Variants in FMN2 observed in about 807,000 individuals in gnomAD.
FMN2 encodes formin 2, also known as formin-2.
In FMN2, 51 loss-of-function variants were observed where a neutral mutation model predicts 142.3. That is an observed-to-expected ratio of 0.36 (90% CI 0.29 to 0.45). FMN2 has a LOEUF of 0.45. Among genes scored for constraint, FMN2 ranks in the 20% least tolerant of loss-of-function variants. The pLI, the probability that FMN2 is intolerant of heterozygous loss-of-function variation, is 1.00. For missense variants in FMN2, 1,936 were observed against 2,122.8 expected (o/e 0.91, Z 1.73); for synonymous variants, 882 against 869.8 (o/e 1.01, Z -0.25).
At chr1:240,183,786 A>C (rs959787561) in intron 3 of FMN2, among the ~76,000 whole-genome samples, 2 of 152,130 alleles carry the variant, frequency 1.3e-5, no homozygotes, top group African/African-American at 4.8e-5. Flanking sequence ...AGAATTAAAA[A>C]CATCTTGCAT....
At chr1:240,205,618 C>T (rs1314920192) in intron 4 of FMN2, among the ~76,000 whole-genome samples, 13 of 151,862 alleles carry the variant, frequency 8.6e-5, no homozygotes, top group Middle Eastern at 6.8e-3. Context: ...CCCGCCACCA[C>T]GCCCGGCTAA....
chr1:240,415,240 A>G (rs974803839), intron 15 of FMN2, among the ~76,000 whole-genome samples: 14 of 152,210 alleles, frequency 9.2e-5, no homozygotes, highest in Non-Finnish European at 1.9e-4. Flanking sequence ...TTGCAGGGAC[A>G]TGGATGAAGC....
Position 240,222,258 on chromosome 1 carries a change from A to G in FMN2, c.4065+11023A>G, listed in dbSNP as rs527869433. 3.3e-5 allele frequency among the ~76,000 whole-genome samples: 5 copies of G among 152,156 alleles called. No individual in the cohort carries two copies. In the East Asian group the frequency reaches 9.7e-4, roughly 29 times the overall value. Reference sequence around the variant, plus strand: ...TTATTAAATAGGGACTCCTTTCCCCATTGCTTGTTTTTGTCAGGTTTGTCA... The same window carrying G: ...TTATTAAATAGGGACTCCTTTCCCCGTTGCTTGTTTTTGTCAGGTTTGTCA... On this transcript the variant is annotated intron_variant, in intron 6 of 17. Transcript: ENST00000319653.
chr1:240,328,975 C>T (rs1048002862), intron 8 of FMN2, 101 bp from the exon 9 acceptor site: 106 of 945,702 alleles, frequency 1.1e-4, no homozygotes, highest in East Asian at 3.9e-4. Context: ...TATAGCGTTT[C>T]GCTGTATTCA....
At chr1:240,233,934 TG>T in intron 6 of FMN2, among the ~76,000 whole-genome samples, 1 of 152,302 alleles carries the variant, frequency 6.6e-6, no homozygotes, top group East Asian at 1.9e-4. Context: ...CTGGCAATGA[TG>T]GTCTATATTT....
chr1:240,375,164 G>T (rs965254531), intron 14 of FMN2, among the ~76,000 whole-genome samples: 1 of 151,994 alleles, frequency 6.6e-6, no homozygotes, highest in African/African-American at 2.4e-5. Context: ...CATAGTTTGT[G>T]GTGCCCCAGA....
intron 16 of FMN2, among the ~76,000 whole-genome samples, chr1:240,465,391 T>C (rs1036697761): frequency 6.7e-6 from 1 of 149,760 alleles, no homozygotes; most frequent in African/African-American, 2.5e-5. Context: ...TGTGTGTCTG[T>C]CTTTCTCTTT....
intron 3 of FMN2, chr1:240,179,562 T>C (rs1364941876): frequency 6.8e-6 from 1 of 147,250 alleles, no homozygotes; most frequent in African/African-American, 2.6e-5. Flanking sequence ...ATCGTAACAC[T>C]TACAGAGAGC....
At chr1:240,169,826 C>T (rs188966727) in intron 2 of FMN2, among the ~76,000 whole-genome samples, 9 of 152,146 alleles carry the variant, frequency 5.9e-5, no homozygotes, top group South Asian at 2.1e-4. Flanking sequence ...CTGCATACTT[C>T]GAGGCAATTT....
intron 13 of FMN2, among the ~76,000 whole-genome samples, chr1:240,335,218 G>T (rs1219112466): frequency 1.3e-5 from 2 of 152,144 alleles, no homozygotes; most frequent in African/African-American, 2.4e-5. Flanking sequence ...AGGTGCTGTG[G>T]ATCCACAAAG....
At chr1:240,162,459 G>A (rs1463904941) in intron 2 of FMN2, among the ~76,000 whole-genome samples, 2 of 151,996 alleles carry the variant, frequency 1.3e-5, no homozygotes, top group African/African-American at 4.8e-5. Flanking sequence ...GCAAGACTCC[G>A]TCTCAAAAAA....
intron 7 of FMN2, among the ~76,000 whole-genome samples, chr1:240,282,021 A>C (rs948603618): frequency 1.1e-4 from 17 of 152,322 alleles, no homozygotes; most frequent in African/African-American, 4.1e-4. Flanking sequence ...ATGAGAGCAA[A>C]TATATCTACA....
At chr1:240,423,225 T>C (rs1674833046) in intron 15 of FMN2, among the ~76,000 whole-genome samples, 1 of 152,180 alleles carries the variant, frequency 6.6e-6, no homozygotes, top group Admixed American at 6.5e-5. Context: ...GTAATAAAAT[T>C]TGTTACACTT....
chr1:240,163,796 A>T (rs1260396780), intron 2 of FMN2, among the ~76,000 whole-genome samples: 3 of 151,858 alleles, frequency 2.0e-5, no homozygotes, highest in Non-Finnish European at 2.9e-5. Flanking sequence ...TGGATTTATC[A>T]ATTACTCTTT....
At chr1:240,363,335 G>A (rs549783020) in intron 14 of FMN2, among the ~76,000 whole-genome samples, 20 of 152,140 alleles carry the variant, frequency 1.3e-4, no homozygotes, top group South Asian at 2.1e-4. Context: ...TAAGCAAACC[G>A]CTTTTTACCA....
intron 13 of FMN2, 63 bp from the exon 14 acceptor site, chr1:240,355,753 C>T: frequency 8.6e-7 from 1 of 1,157,334 alleles, no homozygotes; most frequent in Non-Finnish European, 1.3e-6. Flanking sequence ...AAGATGTTTT[C>T]AAAATTGCCT....
At chr1:240,341,623 T>TGATA (rs1671744326) in intron 13 of FMN2, 1 of 152,256 alleles carries the variant, frequency 6.6e-6, no homozygotes, top group South Asian at 2.1e-4. Flanking sequence ...TGAAGAATTG[T>TGATA]GATAGAGACC....
intron 2 of FMN2, chr1:240,144,948 G>A (rs532887182): frequency 7.4e-5 from 94 of 1,274,380 alleles, no homozygotes; most frequent in South Asian, 1.8e-4. Flanking sequence ...CCTACTAGCC[G>A]ATACTTGAGG....
At chr1:240,404,785 T>G (rs1449684260) in intron 15 of FMN2, among the ~76,000 whole-genome samples, 2 of 152,246 alleles carry the variant, frequency 1.3e-5, no homozygotes, top group African/African-American at 4.8e-5. Flanking sequence ...TTTGCAGATT[T>G]TCTGGCCTTG....
Sources: gnomAD v4.1 joint callset for allele counts (sites outside exome capture counted in the v4.1 genomes callset) on GRCh38, gnomAD v4.1.1 for gene constraint, MANE v1.5 for transcripts, NCBI Gene and HGNC (gene_info 2026-07-23, HGNC 2026-07-21) for gene names.